DIS3L2: variants seen among roughly 807,000 people sequenced by gnomAD.
DIS3L2 encodes the protein DIS3 like 3'-5' exoribonuclease 2, also known as DIS3-like exonuclease 2.
In DIS3L2, 34 loss-of-function variants were observed where a neutral mutation model predicts 97.5. The ratio of observed to expected loss-of-function variants is 0.35; its 90% CI spans 0.27 to 0.46. The LOEUF (loss-of-function observed/expected upper bound fraction) is 0.46, where lower values mean the gene tolerates loss of function less well. DIS3L2 is among the 20% of genes least tolerant of loss of function. DIS3L2 has a pLI of 1.00. For missense variants in DIS3L2, 1,038 were observed against 1,146.0 expected (o/e 0.91, Z 1.36); for synonymous variants, 435 against 445.2 (o/e 0.98, Z 0.29).
At chr2:232,116,901 CT>C (rs1233005921) in intron 6 of DIS3L2, among the ~76,000 whole-genome samples, 4 of 152,222 alleles carry the variant, frequency 2.6e-5, no homozygotes, top group Admixed American at 2.0e-4. Context: ...TATGCCACCC[CT>C]GTTCCTGTAA....
intron 10 of DIS3L2, among the ~76,000 whole-genome samples, chr2:232,227,862 A>C (rs1473883169): frequency 6.6e-6 from 1 of 152,224 alleles, no homozygotes. Flanking sequence ...TAGGCATTTT[A>C]ATACACATAG....
chr2:232,333,718 C>A (rs1575027086), intron 16 of DIS3L2, 122 bp from the exon 17 acceptor site: 1 of 1,395,458 alleles, frequency 7.2e-7, no homozygotes, highest in Middle Eastern at 2.3e-4. Context: ...ACTCAGCAAC[C>A]AGCAGCCCAT....
intron 6 of DIS3L2, among the ~76,000 whole-genome samples, chr2:232,117,013 C>T (rs1351037272): frequency 1.3e-5 from 2 of 152,180 alleles, no homozygotes; most frequent in East Asian, 3.8e-4. Flanking sequence ...AGCTAGCTAA[C>T]CCTCATGTGG....
At chr2:232,094,037 T>C (rs1696925709) in intron 6 of DIS3L2, among the ~76,000 whole-genome samples, 1 of 152,144 alleles carries the variant, frequency 6.6e-6, no homozygotes, top group African/African-American at 2.4e-5. Context: ...ATGCTGTGAT[T>C]CCATTATCAT....
intron 3 of DIS3L2, among the ~76,000 whole-genome samples, chr2:232,017,456 T>C (rs932787588): frequency 2.0e-5 from 3 of 152,190 alleles, no homozygotes; most frequent in Non-Finnish European, 2.9e-5. Context: ...AGGCCTCTCT[T>C]AGGAGAGATG....
intron 10 of DIS3L2, among the ~76,000 whole-genome samples, chr2:232,218,812 A>T (rs747565410): frequency 1.8e-4 from 28 of 152,162 alleles, no homozygotes. Flanking sequence ...CGTGGCACGC[A>T]CAAGGACCAG....
At chr2:232,004,553 A>G (rs770486516) in intron 1 of DIS3L2, among the ~76,000 whole-genome samples, 5 of 149,872 alleles carry the variant, frequency 3.3e-5, no homozygotes, top group Non-Finnish European at 5.9e-5. Context: ...TTTATTTCAG[A>G]TATTGTATTT....
intron 20 of DIS3L2, chr2:232,336,077 C>T: frequency 6.5e-7 from 1 of 1,538,158 alleles, no homozygotes; most frequent in Admixed American, 2.0e-5. Context: ...TCCTTGGGGG[C>T]AACCACAGTG....
chr2:232,241,335 G>A (rs886153845), intron 11 of DIS3L2, among the ~76,000 whole-genome samples: 1 of 152,230 alleles, frequency 6.6e-6, no homozygotes, highest in Admixed American at 6.5e-5. Context: ...AGGGGAAGGG[G>A]GGCTGGGGTT....
chr2:232,202,069 G>A (rs894863253), intron 9 of DIS3L2, among the ~76,000 whole-genome samples: 13 of 152,250 alleles, frequency 8.5e-5, no homozygotes, highest in South Asian at 4.2e-4. Flanking sequence ...TCCCAGACCC[G>A]TCCTGTCCTT....
At chr2:232,077,956 T>C (rs191785558) in intron 5 of DIS3L2, among the ~76,000 whole-genome samples, 252 of 19,334 alleles carry the variant, frequency 0.013, 1 homozygote, top group Non-Finnish European at 0.019. Flanking sequence ...TCTTTCTTTC[T>C]CTTTCTTTCT....
chr2:232,017,098 T>C (rs1314190380), intron 3 of DIS3L2, among the ~76,000 whole-genome samples: 1 of 152,156 alleles, frequency 6.6e-6, no homozygotes, highest in East Asian at 1.9e-4. Context: ...ATTATTTATT[T>C]ATTTATTTTT....
chr2:232,006,193 A>G (rs1694048853), intron 1 of DIS3L2, among the ~76,000 whole-genome samples: 2 of 152,258 alleles, frequency 1.3e-5, no homozygotes, highest in African/African-American at 4.8e-5. Context: ...CCTTGAAAAA[A>G]GAAAAAAAGA....
chr2:232,220,724 T>C (rs572461182), intron 10 of DIS3L2, among the ~76,000 whole-genome samples: 8 of 151,264 alleles, frequency 5.3e-5, no homozygotes, highest in African/African-American at 1.9e-4. Context: ...AGAAAAGAAA[T>C]AGAAATTTGA....
chr2:231,998,428 A>C (rs1190515089), intron 1 of DIS3L2, among the ~76,000 whole-genome samples: 1 of 152,218 alleles, frequency 6.6e-6, no homozygotes, highest in African/African-American at 2.4e-5. Context: ...ATGACAATTA[A>C]ATTTCAACAT....
At chr2:232,001,629 C>T (rs1693911248) in intron 1 of DIS3L2, among the ~76,000 whole-genome samples, 1 of 137,452 alleles carries the variant, frequency 7.3e-6, no homozygotes, top group Non-Finnish European at 1.5e-5. Flanking sequence ...AAATCTTTGC[C>T]CTGATCAATG....
rs577124719 is a variant in DIS3L2 at position 232,265,645 on chromosome 2, A to G, written c.1659+2205A>G. Reference sequence around the variant, plus strand: ...AGGGAAACCGATCAAATACGAACATAAAAAAGAAGCTGTTGTTTTTATAAA... The same window carrying G: ...AGGGAAACCGATCAAATACGAACATGAAAAAGAAGCTGTTGTTTTTATAAA... On this transcript the variant is annotated intron_variant, in intron 13 of 20. Coordinates refer to ENST00000325385, the MANE Select transcript of DIS3L2 (RefSeq NM_152383.5). 6.3e-4 allele frequency among the ~76,000 whole-genome samples: 96 copies of G among 152,382 alleles called. 2 individuals carry two copies. Among genetic ancestry groups the G allele is most frequent in the African/African-American group, 2.1e-3 (87 of 41,598 alleles).
intron 9 of DIS3L2, among the ~76,000 whole-genome samples, chr2:232,199,873 A>G (rs1691845204): frequency 6.6e-6 from 1 of 152,218 alleles, no homozygotes; most frequent in South Asian, 2.1e-4. Flanking sequence ...AATATAATCT[A>G]AAAGGTGGTA....
intron 1 of DIS3L2, among the ~76,000 whole-genome samples, chr2:231,963,508 C>T (rs965584098): frequency 1.3e-5 from 2 of 152,272 alleles, no homozygotes; most frequent in South Asian, 2.1e-4. Context: ...TTGTCAGATG[C>T]ATAGTTTGTG....
Sources: allele counts gnomAD v4.1 joint callset (sites outside exome capture counted in the v4.1 genomes callset), GRCh38; gene constraint gnomAD v4.1.1; transcripts MANE v1.5; gene names NCBI Gene and HGNC (gene_info 2026-07-23, HGNC 2026-07-21).